DYSF: variants seen among roughly 807,000 people sequenced by gnomAD.
The protein encoded by DYSF is dysferlin, also known as dystrophy-associated fer-1-like 1.
In DYSF, 212 loss-of-function variants were observed where a neutral mutation model predicts 274.9. That is an observed-to-expected ratio of 0.77 (90% confidence interval 0.69 to 0.86). The LOEUF (loss-of-function observed/expected upper bound fraction) is 0.86. Ranked by LOEUF, DYSF falls within the 40% of genes least tolerant of loss-of-function variation. DYSF has a pLI of 0.00. For missense variants in DYSF, 2,666 were observed against 2,783.2 expected (o/e 0.96, Z 0.95); for synonymous variants, 1,091 against 1,078.7 (o/e 1.01, Z -0.22).
chr2:71,671,465 A>AC (rs1558792309), intron 51 of DYSF, among the ~76,000 whole-genome samples: 1 of 152,196 alleles, frequency 6.6e-6, no homozygotes, highest in African/African-American at 2.4e-5. Context: ...CCCCCGTGGC[A>AC]CCCCCAGGGC....
intron 36 of DYSF, among the ~76,000 whole-genome samples, chr2:71,603,771 G>A (rs753107438): frequency 3.9e-5 from 6 of 152,170 alleles, no homozygotes; most frequent in Non-Finnish European, 8.8e-5. Flanking sequence ...GCAGCACGGA[G>A]CCCTCTCTGT....
intron 30 of DYSF, among the ~76,000 whole-genome samples, chr2:71,576,703 G>A (rs969701408): frequency 6.6e-6 from 1 of 152,228 alleles, no homozygotes; most frequent in Admixed American, 6.5e-5. Flanking sequence ...AGCCGAGGGG[G>A]CCGGGAGTGG....
intron 3 of DYSF, among the ~76,000 whole-genome samples, chr2:71,493,112 C>T (rs192664346): frequency 6.6e-6 from 1 of 152,234 alleles, no homozygotes; most frequent in East Asian, 1.9e-4. Flanking sequence ...TGGTCTTGAA[C>T]TCCTAGGATC....
intron 1 of DYSF, among the ~76,000 whole-genome samples, chr2:71,479,119 T>C (rs982195347): frequency 1.5e-5 from 2 of 136,692 alleles, no homozygotes; most frequent in Admixed American, 8.1e-5. Context: ...GGCTTTCCAC[T>C]GAGTCTTGCA....
intron 32 of DYSF, among the ~76,000 whole-genome samples, chr2:71,594,061 T>A (rs1298911336): frequency 6.6e-6 from 1 of 152,152 alleles, no homozygotes; most frequent in East Asian, 1.9e-4. Context: ...AGGTAGGTGA[T>A]CCTATGGGAT....
intron 3 of DYSF, among the ~76,000 whole-genome samples, chr2:71,484,427 T>C (rs1181788525): frequency 6.6e-6 from 1 of 152,212 alleles, no homozygotes; most frequent in Non-Finnish European, 1.5e-5. Flanking sequence ...GTGCACGTGA[T>C]GTTCTGACAC....
chr2:71,468,303 C>G (rs978837887), intron 1 of DYSF, among the ~76,000 whole-genome samples: 2 of 152,206 alleles, frequency 1.3e-5, no homozygotes, highest in Non-Finnish European at 2.9e-5. Context: ...TCGTTTGGGT[C>G]TGCTCACAGC....
At chr2:71,659,641 T>C (rs2094840994) in intron 44 of DYSF, among the ~76,000 whole-genome samples, 1 of 152,272 alleles carries the variant, frequency 6.6e-6, no homozygotes, top group African/African-American at 2.4e-5. Context: ...ACTGTTTATC[T>C]TAATAACTAT....
At chr2:71,570,438 C>T (rs2092351441) in intron 28 of DYSF, 104 bp downstream of exon 28, 1 of 1,431,964 alleles carries the variant, frequency 7.0e-7, no homozygotes, top group Non-Finnish European at 9.7e-7. Context: ...CTATTTCACC[C>T]AGGGACGCTT....
chr2:71,570,304 A>C lies in DYSF; in HGVS notation c.3055A>C (p.Thr1019Pro), dbSNP rs754570347. The change falls in exon 28 of 56, where the codon ACA becomes CCA. Residue 1019 changes from threonine (T) to proline (P), a missense_variant. By Grantham distance (38) the Thr-to-Pro change is conservative. Coordinates refer to ENST00000410020, the MANE Select transcript of DYSF (RefSeq NM_001130987.2). ...GAAGTGGGAAGATGAGGAATGGTCC[A>C]CAGACCTCAACCGGGCTGTCGATGA... The part of the protein sequence containing the change: ...GWKWEDEEWS[T>P]DLNRAVDEQG... The C allele has an allele frequency of 6.2e-7, 1 of 1,614,124 alleles. No individual in the cohort carries two copies. Among genetic ancestry groups the C allele is most frequent in the South Asian group, 1.1e-5 (1 of 91,090 alleles).
intron 7 of DYSF, 27 bp downstream of exon 7, chr2:71,513,948 A>G (rs1456576402): frequency 6.2e-7 from 1 of 1,613,810 alleles, no homozygotes; most frequent in African/African-American, 1.3e-5. Flanking sequence ...CTCTGACCCC[A>G]GGCTCCTCTT....
chr2:71,663,640 A>G (rs1442395547), intron 45 of DYSF, among the ~76,000 whole-genome samples: 1 of 152,190 alleles, frequency 6.6e-6, no homozygotes, highest in Non-Finnish European at 1.5e-5. Flanking sequence ...AGAAGGGAGA[A>G]TACCTCTCCC....
At chr2:71,493,598 T>C (rs772411364) in intron 3 of DYSF, among the ~76,000 whole-genome samples, 4 of 152,184 alleles carry the variant, frequency 2.6e-5, no homozygotes, top group Non-Finnish European at 5.9e-5. Context: ...ACGCCTGTAA[T>C]ACCAGCACTT....
chr2:71,674,079 T>A, intron 51 of DYSF, 118 bp from the exon 52 acceptor site: 2 of 863,382 alleles, frequency 2.3e-6, no homozygotes, highest in Admixed American at 4.0e-5. Flanking sequence ...CTCTGGCAGG[T>A]CCCTTGGGGA....
At chr2:71,519,092 C>CAAAAAAAAA (rs70959240) in intron 10 of DYSF, among the ~76,000 whole-genome samples, 2 of 59,726 alleles carry the variant, frequency 3.3e-5, no homozygotes. Context: ...CACTCCATCT[C>CAAAAAAAAA]AAAAAAAAAA....
intron 41 of DYSF, among the ~76,000 whole-genome samples, chr2:71,624,429 T>C (rs1473437241): frequency 2.6e-5 from 4 of 152,248 alleles, no homozygotes; most frequent in African/African-American, 7.2e-5. Context: ...TTTGTTACAC[T>C]TTGATATCGG....
intron 42 of DYSF, among the ~76,000 whole-genome samples, chr2:71,650,835 A>G (rs1156916275): frequency 1.3e-5 from 2 of 152,220 alleles, no homozygotes; most frequent in African/African-American, 4.8e-5. Flanking sequence ...AAACAGTGCT[A>G]AAACACTACA....
chr2:71,552,255 A>G (rs1268863166), intron 19 of DYSF, among the ~76,000 whole-genome samples: 1 of 152,188 alleles, frequency 6.6e-6, no homozygotes, highest in Non-Finnish European at 1.5e-5. Flanking sequence ...CAGTGGTCAG[A>G]TCGCTCTGGT....
In DYSF at chr2:71,568,037, G is replaced by T. The variant is rs1221035313; in HGVS notation, c.2652G>T (p.Glu884Asp). Residue 884 changes from glutamate (E) to aspartate (D), a missense_variant, in exon 25 of 56, where the codon GAG (glutamate) becomes GAT (aspartate). Transcript: ENST00000410020. ...LWFGLSVDEK[E>D]FNQFAEGKLS... ...TTGGGCTCTCAGTGGATGAGAAGGA[G>T]TTCAACCAGTTTGCTGAGGGGAAGC... is the stretch of plus-strand genomic sequence containing the variant. The T allele has an allele frequency of 1.9e-6, 3 of 1,614,210 alleles. No homozygotes were observed. Among genetic ancestry groups the T allele is most frequent in the South Asian group, 2.2e-5 (2 of 91,076 alleles).
Sources: allele counts gnomAD v4.1 joint callset (sites outside exome capture counted in the v4.1 genomes callset), GRCh38; gene constraint gnomAD v4.1.1; transcripts MANE v1.5; gene names NCBI Gene and HGNC (gene_info 2026-07-23, HGNC 2026-07-21).